The following NCMAP variants were observed in gnomAD, a reference collection of about 807,000 sequenced individuals.
NCMAP encodes non-compact myelin associated protein.
In NCMAP, 8 loss-of-function variants were observed where a neutral mutation model predicts 7.8. The ratio of observed to expected loss-of-function variants is 1.02; its 90% CI spans 0.60 to 1.84. The LOEUF is 1.84. Among genes scored for constraint, NCMAP ranks in the 40% most tolerant of loss-of-function variants. The pLI is 0.00. For synonymous variants in NCMAP, 41 were observed against 52.9 expected (o/e 0.78, Z 0.98); for missense variants, 112 against 131.4 (o/e 0.85, Z 0.72).
chr1:24,573,719 C>T (rs1651459093), intron 1 of NCMAP, among the ~76,000 whole-genome samples: 1 of 150,528 alleles, frequency 6.6e-6, no homozygotes, highest in Admixed American at 6.6e-5. Flanking sequence ...AGGAGGCTCT[C>T]TTGAGCCCAG....
chr1:24,560,562 T>C (rs764553188), intron 1 of NCMAP, among the ~76,000 whole-genome samples: 4 of 152,078 alleles, frequency 2.6e-5, no homozygotes, highest in Non-Finnish European at 4.4e-5. Flanking sequence ...CTGGCCAACA[T>C]AGGGAGACCC....
At chr1:24,600,040 T>C (rs2148938052) in intron 2 of NCMAP, among the ~76,000 whole-genome samples, 1 of 152,286 alleles carries the variant, frequency 6.6e-6, no homozygotes, top group East Asian at 1.9e-4. Flanking sequence ...CTTGCCATCT[T>C]GCCCAGGTTG....
intron 2 of NCMAP, among the ~76,000 whole-genome samples, chr1:24,596,296 T>G (rs1652222690): frequency 6.6e-6 from 1 of 151,844 alleles, no homozygotes; most frequent in African/African-American, 2.4e-5. Flanking sequence ...TTACTACTAC[T>G]ACGATTGCTA....
At chr1:24,560,444 C>G (rs531687546) in intron 1 of NCMAP, among the ~76,000 whole-genome samples, 1 of 152,194 alleles carries the variant, frequency 6.6e-6, no homozygotes, top group Non-Finnish European at 1.5e-5. Flanking sequence ...GTTCCTCCAC[C>G]TGGGGTGTTT....
Position 24,607,019 on chromosome 1 carries a change from G to A in NCMAP, c.*1272G>A. 1 of 143,884 alleles carries A rather than the reference G, an allele frequency of 7.0e-6. No individual in the cohort carries two copies. The allele number at this position is 143,884 out of a possible 1,614,324, so 8.9% of individuals were successfully genotyped here. A position where few individuals can be genotyped will look rare whatever the true frequency, so the allele number is the denominator to read the frequency against. ...TTCTTTTTTTTTTTTTTTTGAGACA[G>A]AGCCTCAATCTGTCACCTGGGCTGG... On this transcript the variant is annotated 3_prime_UTR_variant, in exon 4 of 4. Coordinates refer to ENST00000374392, the MANE Select transcript of NCMAP (RefSeq NM_001010980.5).
At chr1:24,565,572 T>TTGTGTG (rs58714256) in intron 1 of NCMAP, among the ~76,000 whole-genome samples, 6,574 of 143,650 alleles carry the variant, frequency 0.046, 171 homozygotes, top group Non-Finnish European at 0.057. Flanking sequence ...TGATAGAAGA[T>TTGTGTG]TGTGTGTGTG....
At chr1:24,598,799 A>G (rs1390909249) in intron 2 of NCMAP, among the ~76,000 whole-genome samples, 2 of 151,234 alleles carry the variant, frequency 1.3e-5, no homozygotes, top group Non-Finnish European at 1.5e-5. Context: ...CACCAGGCCC[A>G]GCTAATTTTT....
chr1:24,569,904 C>T (rs190641674), intron 1 of NCMAP, among the ~76,000 whole-genome samples: 1 of 150,480 alleles, frequency 6.6e-6, no homozygotes, highest in East Asian at 1.9e-4. Flanking sequence ...AGTTGGTGAC[C>T]TTGGACAAGT....
At chr1:24,590,160 A>G (rs559082409) in intron 1 of NCMAP, among the ~76,000 whole-genome samples, 2 of 152,302 alleles carry the variant, frequency 1.3e-5, no homozygotes, top group East Asian at 3.9e-4. Flanking sequence ...GGAAAGGAAA[A>G]CTTATCTTAC....
chr1:24,566,447 A>G (rs1651230539), intron 1 of NCMAP, among the ~76,000 whole-genome samples: 1 of 152,214 alleles, frequency 6.6e-6, no homozygotes, highest in Non-Finnish European at 1.5e-5. Context: ...TGCAATTTGC[A>G]TAGCTGGGAA....
chr1:24,586,716 C>T (rs960289073), intron 1 of NCMAP, among the ~76,000 whole-genome samples: 34 of 148,008 alleles, frequency 2.3e-4, no homozygotes, highest in African/African-American at 3.5e-4. Context: ...GAGCTGAGAT[C>T]GTCCCACTGT....
At chr1:24,577,164 A>T (rs1048673557) in intron 1 of NCMAP, among the ~76,000 whole-genome samples, 2 of 152,070 alleles carry the variant, frequency 1.3e-5, no homozygotes, top group Non-Finnish European at 2.9e-5. Context: ...AAAAATAAAA[A>T]ATAAAAAGGA....
chr1:24,604,370 T>C (rs1392516628), intron 3 of NCMAP, among the ~76,000 whole-genome samples: 3 of 150,418 alleles, frequency 2.0e-5, no homozygotes, highest in African/African-American at 7.4e-5. Flanking sequence ...AATCCAGGAG[T>C]TCAAGACCAG....
intron 1 of NCMAP, among the ~76,000 whole-genome samples, chr1:24,594,177 C>T (rs1410139585): frequency 6.6e-6 from 1 of 152,150 alleles, no homozygotes; most frequent in Non-Finnish European, 1.5e-5. Context: ...CCGGCATAAG[C>T]CACCATGCCA....
chr1:24,605,718 C>A lies in NCMAP; in HGVS notation c.280C>A (p.Pro94Thr). ...SQHPATVTFS[P>T]VDVQVETR ...ACACCCAGCAACTGTGACCTTCAGT[C>A]CTGTTGACGTCCAGGTGGAGACGCG... Residue 94 changes from proline (P) to threonine (T), a missense_variant, in exon 4 of 4, where the codon CCT (proline) becomes ACT (threonine). Transcript: ENST00000374392. The A allele has an allele frequency of 6.2e-7, 1 of 1,614,198 alleles. No homozygotes were observed. Among genetic ancestry groups the A allele is most frequent in the Non-Finnish European group, 8.5e-7 (1 of 1,180,034 alleles).
chr1:24,580,973 TG>T (rs1459912350), intron 1 of NCMAP, among the ~76,000 whole-genome samples: 2 of 152,206 alleles, frequency 1.3e-5, no homozygotes, highest in African/African-American at 2.4e-5. Flanking sequence ...CCAGTGTGGT[TG>T]TTTTCTCTTC....
intron 1 of NCMAP, among the ~76,000 whole-genome samples, chr1:24,592,468 G>GAT (rs921414909): frequency 2.0e-5 from 3 of 152,030 alleles, no homozygotes; most frequent in African/African-American, 4.8e-5. Flanking sequence ...AATGTTTATG[G>GAT]ATATATATAA....
chr1:24,559,423 C>T (rs564975168), intron 1 of NCMAP, among the ~76,000 whole-genome samples: 1 of 152,054 alleles, frequency 6.6e-6, no homozygotes. Context: ...GGGGCTGAGC[C>T]AAGAAAAGAG....
intron 1 of NCMAP, among the ~76,000 whole-genome samples, chr1:24,560,659 A>C (rs1651023978): frequency 6.6e-6 from 1 of 151,996 alleles, no homozygotes. Flanking sequence ...TGGGAGAATC[A>C]CATGAGCCCA....
Sources: gnomAD v4.1 joint callset for allele counts (sites outside exome capture counted in the v4.1 genomes callset) on GRCh38, gnomAD v4.1.1 for gene constraint, MANE v1.5 for transcripts, NCBI Gene and HGNC (gene_info 2026-07-23, HGNC 2026-07-21) for gene names.